The following HADHA variants were observed in gnomAD, a reference collection of about 807,000 sequenced individuals.
The protein encoded by HADHA is hydroxyacyl-CoA dehydrogenase trifunctional multienzyme complex subunit alpha, also known as trifunctional enzyme subunit alpha, mitochondrial.
A neutral mutation model predicts 91.3 loss-of-function variants in HADHA; 59 were observed. The observed-to-expected ratio is 0.65, with a 90% confidence interval of 0.52 to 0.80. The LOEUF is 0.80. Among genes scored for constraint, HADHA ranks in the 30% least tolerant of loss-of-function variants. HADHA has a pLI of 0.00. For missense variants in HADHA, 800 were observed against 927.6 expected (o/e 0.86, Z 1.79); for synonymous variants, 320 against 338.9 (o/e 0.94, Z 0.61).
At chr2:26,218,481 C>T (rs1166353902) in intron 7 of HADHA, among the ~76,000 whole-genome samples, 1 of 152,068 alleles carries the variant, frequency 6.6e-6, no homozygotes, top group Non-Finnish European at 1.5e-5. Context: ...CTGGATCTAC[C>T]TATACAAAGG....
At position 26,232,224 on chromosome 2, in the gene HADHA, C is replaced by G. The variant is rs746937892; in HGVS notation, c.509G>C (p.Gly170Ala). ...GGCCCCCAGCAAAACTTCAGGGGTA[C>G]CTAATACTGTTTTTCTGTCTTTTGT... is the stretch of plus-strand genomic sequence containing the variant. ...IATKDRKTVL[G>A]TPEVLLGALP... Residue 170 changes from glycine (G) to alanine (A), a missense_variant, in exon 6 of 20, where the codon GGT becomes GCT. By Grantham distance (60) the Gly-to-Ala change is moderately conservative. Coordinates refer to ENST00000380649, the MANE Select transcript of HADHA (RefSeq NM_000182.5). The G allele has an allele frequency of 6.2e-7, 1 of 1,604,010 alleles. No homozygotes were observed.
chr2:26,230,437 G>T, intron 6 of HADHA, 143 bp from the exon 7 acceptor site: 2 of 682,342 alleles, frequency 2.9e-6, no homozygotes, highest in Non-Finnish European at 5.4e-6. Flanking sequence ...GCATAGATAA[G>T]TTATATTTAA....
chr2:26,244,519 C>G lies in HADHA; in HGVS notation c.67+11G>C, dbSNP rs1558334851. On this transcript the variant is annotated intron_variant, in intron 1 of 19. Transcript: ENST00000380649. The stretch of plus-strand genomic sequence containing the variant: ...GCCCGGAGGTCTGGGATGCCCTCGG[C>G]CAGGCCTCACCTCGGGAGCGGAGGA... 1 of 1,570,756 alleles carries G rather than the reference C, an allele frequency of 6.4e-7. No homozygotes were observed. The highest frequency in any genetic ancestry group is 2.4e-5 in the East Asian group (1 of 42,334).
intron 5 of HADHA, 76 bp downstream of exon 5, chr2:26,234,141 G>A (rs1054371061): frequency 7.1e-7 from 1 of 1,409,196 alleles, no homozygotes; most frequent in Admixed American, 1.7e-5. Flanking sequence ...AGGCAAAGCA[G>A]TAGCCTAAGG....
At chr2:26,232,394 T>G in intron 5 of HADHA, 115 bp from the exon 6 acceptor site, 1 of 752,642 alleles carries the variant, frequency 1.3e-6, no homozygotes, top group Non-Finnish European at 2.3e-6. Context: ...CAGAATAAAC[T>G]GAAATTCCTT....
At chr2:26,236,427 C>CT (rs1262873363) in intron 4 of HADHA, among the ~76,000 whole-genome samples, 47 of 65,494 alleles carry the variant, frequency 7.2e-4, no homozygotes, top group South Asian at 2.9e-3. Context: ...TGTGTATATA[C>CT]TTTTTTTTTT....
At chr2:26,192,029 G>T (rs549403060) in intron 18 of HADHA, among the ~76,000 whole-genome samples, 1 of 152,164 alleles carries the variant, frequency 6.6e-6, no homozygotes, top group South Asian at 2.1e-4. Flanking sequence ...ACGTGGCCTG[G>T]TTCTCACCTA....
At position 26,238,988 on chromosome 2, in the gene HADHA, G is replaced by C. The variant is rs772496009; in HGVS notation, c.126C>G (p.Asn42Lys). Residue 42 changes from asparagine (N) to lysine (K), a missense_variant, in exon 3 of 20, where the codon AAC becomes AAG. Asn to Lys is a moderately conservative substitution (Grantham distance 94). Coordinates refer to ENST00000380649, the MANE Select transcript of HADHA (RefSeq NM_000182.5). ...SSALLTRTHI[N>K]YGVKGDVAVV... The stretch of plus-strand genomic sequence containing the variant: ...CTGCCACATCCCCTTTGACTCCATA[G>C]TTAATATGGGTTCTGGCTAAAAAGA... The C allele has an allele frequency of 3.1e-6, 5 of 1,602,028 alleles. No homozygotes were observed. Among genetic ancestry groups the C allele is most frequent in the African/African-American group, 2.7e-5 (2 of 74,666 alleles).
rs1669955904 is a variant in HADHA at position 26,205,736 on chromosome 2, G to A, written c.1086-1540C>T. 2.6e-5 allele frequency among the ~76,000 whole-genome samples: 4 copies of A among 152,238 alleles called. No individual in the cohort carries two copies. In the South Asian group the frequency reaches 6.2e-4, roughly 24 times the overall value. ...GGAAAATTGCTTCAACCTGGGAGGCGGAGGTTGCAGTGAGCTGATTGTGCC... is the reference window on the plus strand; with the variant it reads ...GGAAAATTGCTTCAACCTGGGAGGCAGAGGTTGCAGTGAGCTGATTGTGCC... On this transcript the variant is annotated intron_variant, in intron 11 of 19. Transcript: ENST00000380649.
At chr2:26,217,241 A>C (rs1222113129) in intron 7 of HADHA, among the ~76,000 whole-genome samples, 1 of 152,176 alleles carries the variant, frequency 6.6e-6, no homozygotes, top group Non-Finnish European at 1.5e-5. Flanking sequence ...CAGAAGAGGG[A>C]AACATCAGGA....
chr2:26,207,178 A>G (rs1186489237), intron 11 of HADHA, among the ~76,000 whole-genome samples: 1 of 152,162 alleles, frequency 6.6e-6, no homozygotes, highest in Non-Finnish European at 1.5e-5. Context: ...AGCCGGGGTG[A>G]CAGAATGAGA....
At chr2:26,196,237 T>C (rs950201848) in intron 14 of HADHA, among the ~76,000 whole-genome samples, 4 of 152,188 alleles carry the variant, frequency 2.6e-5, no homozygotes, top group Non-Finnish European at 5.9e-5. Context: ...TCTGTCTATC[T>C]CCAATGCCAT....
Position 26,230,187 on chromosome 2 carries a change from C to CT in HADHA, c.676+4dup, listed in dbSNP as rs1670587552. The stretch of plus-strand genomic sequence containing the variant: ...GGTCTGACTCTGAGATGTGCTAACA[C>CT]TTACCCAGGGGTTCCACCAGTTGGT... On this transcript the variant is annotated splice_donor_region_variant and intron_variant, in intron 7 of 19. Transcript: ENST00000380649. 1.9e-6 allele frequency: 3 copies of CT among 1,556,696 alleles called. No individual in the cohort carries two copies. The highest frequency in any genetic ancestry group is 2.7e-6 in the Non-Finnish European group (3 of 1,127,622).
chr2:26,215,228 G>A (rs1431053782), intron 7 of HADHA, 53 bp from the exon 8 acceptor site: 6 of 1,588,302 alleles, frequency 3.8e-6, no homozygotes, highest in Non-Finnish European at 4.3e-6. Context: ...ACCAGTCCCA[G>A]GTAGTGAAAA....
At chr2:26,194,794 C>T (rs1669616406) in intron 15 of HADHA, among the ~76,000 whole-genome samples, 156 bp from the exon 16 acceptor site, 1 of 151,972 alleles carries the variant, frequency 6.6e-6, no homozygotes, top group Non-Finnish European at 1.5e-5. Context: ...AATGAAATTG[C>T]AGGGGAAGCC....
chr2:26,198,603 A>G lies in HADHA; in HGVS notation c.1393-826T>C, dbSNP rs1253140889. On this transcript the variant is annotated intron_variant, in intron 13 of 19. Transcript: ENST00000380649. The stretch of plus-strand genomic sequence containing the variant: ...GAGGAAGACACATTCAACACACTGA[A>G]AAGCTGAGTACAAAATAAGATTATA... 5.9e-5 allele frequency among the ~76,000 whole-genome samples: 9 copies of G among 152,152 alleles called. No individual in the cohort carries two copies. The East Asian group carries it at 1.7e-3, about 29-fold the overall frequency.
At chr2:26,215,404 T>C (rs1195462499) in intron 7 of HADHA, among the ~76,000 whole-genome samples, 2 of 152,210 alleles carry the variant, frequency 1.3e-5, no homozygotes, top group African/African-American at 2.4e-5. Context: ...CTGTTTCATT[T>C]GGTTTCCACT....
chr2:26,206,573 T>C (rs766936804), intron 11 of HADHA, among the ~76,000 whole-genome samples: 1 of 152,212 alleles, frequency 6.6e-6, no homozygotes, highest in Non-Finnish European at 1.5e-5. Context: ...AATTAGTTCA[T>C]GCATGGTTCA....
At position 26,234,245 on chromosome 2, in the gene HADHA, T is replaced by C. The variant is rs200549951; in HGVS notation, c.425A>G (p.Asn142Ser). The C allele has an allele frequency of 1.2e-5, 19 of 1,614,054 alleles. No homozygotes were observed. In the East Asian group the frequency reaches 2.5e-4, roughly 21 times the overall value. ...AAGTCCTCCTCCCAGGCAGGATCCA[T>C]TGATGGCAGCCACAATAGGCTTTGT... ...KSTKPIVAAINGSCLGGGLEV... is the reference protein window; with the variant it reads ...KSTKPIVAAISGSCLGGGLEV... Residue 142 changes from asparagine to serine, a missense_variant, in exon 5 of 20, where the codon AAT (asparagine) becomes AGT (serine). By Grantham distance (46) the Asn-to-Ser change is conservative. Coordinates refer to ENST00000380649, the MANE Select transcript of HADHA (RefSeq NM_000182.5).
Sources: allele counts gnomAD v4.1 joint callset (sites outside exome capture counted in the v4.1 genomes callset), GRCh38; gene constraint gnomAD v4.1.1; transcripts MANE v1.5; gene names NCBI Gene and HGNC (gene_info 2026-07-23, HGNC 2026-07-21).